The following GABRB3 variants were observed in gnomAD, a reference collection of about 807,000 sequenced individuals.
GABRB3 encodes the protein gamma-aminobutyric acid type A receptor subunit beta3.
GABRB3 carries 14 observed loss-of-function variants against 52.1 expected under a neutral mutation model. That is an observed-to-expected ratio of 0.27 (90% CI 0.18 to 0.42). The LOEUF is 0.42. Ranked by LOEUF, GABRB3 falls within the 10% of genes least tolerant of loss-of-function variation. The probability of loss-of-function intolerance (pLI) is 1.00; values close to 1 mark genes in which losing one functional copy is unlikely to be tolerated. For synonymous variants in GABRB3, 260 were observed against 232.3 expected, an observed-to-expected ratio of 1.12 and a Z score of -1.08; for missense variants, 307 against 609.1, an observed-to-expected ratio of 0.50 and a Z score of 5.22.
intron 3 of GABRB3, among the ~76,000 whole-genome samples, chr15:26,697,674 T>A (rs1309347481): frequency 6.6e-6 from 1 of 152,122 alleles, no homozygotes; most frequent in Non-Finnish European, 1.5e-5. Flanking sequence ...GTCCAATGTG[T>A]CCCCTGTCCC....
intron 4 of GABRB3, among the ~76,000 whole-genome samples, chr15:26,607,220 G>A (rs1022084211): frequency 6.6e-6 from 1 of 152,072 alleles, no homozygotes; most frequent in Non-Finnish European, 1.5e-5. Context: ...TTCACAAATT[G>A]TTCATTGCTC....
rs1388385971 is a variant in GABRB3, at chr15:26,648,568, A to C, written c.241-27034T>G. Among the ~76,000 whole-genome samples, 9 of 152,330 alleles carry C rather than the reference A, an allele frequency of 5.9e-5. No individual in the cohort carries two copies. In the South Asian group the frequency reaches 8.3e-4, roughly 14 times the overall value. ...AAAGGGCCATCAGTTAAAAATACTG[A>C]GGAGGAACAGTGAGGGAGCGGCAGG... is the stretch of plus-strand genomic sequence containing the variant. On this transcript the variant is annotated intron_variant, in intron 3 of 8. Coordinates refer to ENST00000311550, the MANE Select transcript of GABRB3 (RefSeq NM_000814.6).
Position 26,715,754 on chromosome 15 carries a change from C to T in GABRB3, c.240+56648G>A, listed in dbSNP as rs1211218187. ...ATAAGTAGATTACTCTGATGCATCC[C>T]GTGCCTGAATCATCTGTTGTCTTGT... is the stretch of plus-strand genomic sequence containing the variant. On this transcript the variant is annotated intron_variant, in intron 3 of 8. Transcript: ENST00000311550. 3.3e-5 allele frequency among the ~76,000 whole-genome samples: 5 copies of T among 152,062 alleles called. 1 individual carries two copies. The South Asian group carries it at 6.2e-4, about 19-fold the overall frequency.
At chr15:26,579,066 T>C (rs17646431) in intron 6 of GABRB3, among the ~76,000 whole-genome samples, 15,006 of 152,250 alleles carry the variant, frequency 0.099, 881 homozygotes, top group Admixed American at 0.16. Flanking sequence ...CATCTACTTA[T>C]CATGTACTTT....
At chr15:26,733,350 T>C (rs1039192459) in intron 3 of GABRB3, among the ~76,000 whole-genome samples, 1 of 152,176 alleles carries the variant, frequency 6.6e-6, no homozygotes, top group Non-Finnish European at 1.5e-5. Flanking sequence ...AAATTACCTG[T>C]ATTTCTATAT....
At chr15:26,754,892 C>G (rs1053142857) in intron 3 of GABRB3, among the ~76,000 whole-genome samples, 3 of 152,030 alleles carry the variant, frequency 2.0e-5, no homozygotes, top group Non-Finnish European at 2.9e-5. Context: ...CCCGAGGGGT[C>G]GAGGCTCGGC....
intron 3 of GABRB3, among the ~76,000 whole-genome samples, chr15:26,741,544 C>A (rs1040979964): frequency 6.6e-6 from 1 of 152,194 alleles, no homozygotes; most frequent in Non-Finnish European, 1.5e-5. Context: ...TCATGTCCAT[C>A]CTACGTATGC....
At chr15:26,562,184 A>T (rs780355541) in intron 7 of GABRB3, among the ~76,000 whole-genome samples, 4 of 152,138 alleles carry the variant, frequency 2.6e-5, no homozygotes, top group Non-Finnish European at 4.4e-5. Flanking sequence ...CTTACAGGAA[A>T]GGCACGGATC....
intron 3 of GABRB3, among the ~76,000 whole-genome samples, chr15:26,706,010 T>G (rs1889088597): frequency 6.6e-6 from 1 of 152,134 alleles, no homozygotes; most frequent in Non-Finnish European, 1.5e-5. Flanking sequence ...CAATATACCC[T>G]TGTAACAAAC....
chr15:26,592,844 C>T (rs1206393939), intron 4 of GABRB3, among the ~76,000 whole-genome samples: 1 of 152,086 alleles, frequency 6.6e-6, no homozygotes, highest in East Asian at 1.9e-4. Context: ...GAAACCCCAT[C>T]TCTACTAAAA....
At chr15:26,769,452 T>C (rs905452037) in intron 3 of GABRB3, among the ~76,000 whole-genome samples, 1 of 152,194 alleles carries the variant, frequency 6.6e-6, no homozygotes, top group Non-Finnish European at 1.5e-5. Context: ...TTAAAACCTT[T>C]ACCATTTATA....
intron 3 of GABRB3, among the ~76,000 whole-genome samples, chr15:26,745,473 GCACT>G (rs1890313303): frequency 6.6e-6 from 1 of 152,138 alleles, no homozygotes; most frequent in Admixed American, 6.6e-5. Context: ...AGGATTTCAT[GCACT>G]CGTGGGTGTG....
At chr15:26,653,490 G>A (rs1263256830) in intron 3 of GABRB3, among the ~76,000 whole-genome samples, 1 of 152,116 alleles carries the variant, frequency 6.6e-6, no homozygotes, top group Non-Finnish European at 1.5e-5. Context: ...TGACCAATCA[G>A]CACTCCCCAC....
At chr15:26,620,378 G>A (rs1566778212) in intron 4 of GABRB3, among the ~76,000 whole-genome samples, 1 of 152,116 alleles carries the variant, frequency 6.6e-6, no homozygotes, top group Non-Finnish European at 1.5e-5. Flanking sequence ...CCAGGGATGT[G>A]GATTTAAATA....
chr15:26,647,017 G>T (rs896269160), intron 3 of GABRB3, among the ~76,000 whole-genome samples: 4 of 152,026 alleles, frequency 2.6e-5, no homozygotes, highest in Non-Finnish European at 5.9e-5. Flanking sequence ...ATAATTTTTT[G>T]TATTTTTAGT....
At chr15:26,654,303 G>A (rs1887294662) in intron 3 of GABRB3, among the ~76,000 whole-genome samples, 1 of 152,054 alleles carries the variant, frequency 6.6e-6, no homozygotes, top group Admixed American at 6.6e-5. Context: ...CCGCCACCAT[G>A]CCTGGCTAAT....
intron 3 of GABRB3, 91 bp downstream of exon 3, chr15:26,772,311 G>T: frequency 3.4e-6 from 4 of 1,171,028 alleles, no homozygotes; most frequent in Non-Finnish European, 4.9e-6. Flanking sequence ...GGCCCCGGCC[G>T]AAGAGGCCTC....
rs187477055 is a variant in GABRB3, at chr15:26,687,411, G to A, written c.241-65877C>T. On this transcript the variant is annotated intron_variant, in intron 3 of 8. Transcript: ENST00000311550. ...ACTGCCTAGATACAAAAGAGGTGAC[G>A]CTAACAGGATACGTGTCCATGCAAT... Among the ~76,000 whole-genome samples the A allele has an allele frequency of 2.0e-5, 3 of 152,150 alleles. No homozygotes were observed. In the East Asian group the frequency reaches 5.8e-4, roughly 29 times the overall value.
At chr15:26,731,849 G>C (rs1259372616) in intron 3 of GABRB3, among the ~76,000 whole-genome samples, 10 of 151,928 alleles carry the variant, frequency 6.6e-5, no homozygotes, top group Non-Finnish European at 1.5e-5. Flanking sequence ...TCTTCAACAA[G>C]GTAAATGTGG....
Sources: allele counts gnomAD v4.1 joint callset (sites outside exome capture counted in the v4.1 genomes callset), GRCh38; gene constraint gnomAD v4.1.1; transcripts MANE v1.5; gene names NCBI Gene and HGNC (gene_info 2026-07-23, HGNC 2026-07-21).